PDZRN4: variants seen among roughly 807,000 people sequenced by gnomAD.
PDZRN4 encodes the protein PDZ domain containing ring finger 4, also known as PDZ domain-containing RING finger protein 4.
A neutral mutation model predicts 99.0 loss-of-function variants in PDZRN4; 70 were observed. That is an observed-to-expected ratio of 0.71 (90% CI 0.58 to 0.86). PDZRN4 has a LOEUF of 0.86. PDZRN4 is among the 40% of genes least tolerant of loss of function. The probability of loss-of-function intolerance (pLI) is 0.00; values close to 1 mark genes in which losing one functional copy is unlikely to be tolerated. For missense variants in PDZRN4, 1,474 were observed against 1,331.2 expected (o/e 1.11, Z -1.67); for synonymous variants, 551 against 501.6 (o/e 1.10, Z -1.32).
chr12:41,371,347 T>C (rs952223660), intron 3 of PDZRN4, among the ~76,000 whole-genome samples: 2 of 151,926 alleles, frequency 1.3e-5, no homozygotes, highest in African/African-American at 4.8e-5. Flanking sequence ...AATTTTACAT[T>C]ATTGTTTCAT....
chr12:41,573,091 A>T lies in PDZRN4; in HGVS notation c.2312A>T (p.Asn771Ile). 1 of 1,614,018 alleles carries T rather than the reference A, an allele frequency of 6.2e-7. No individual in the cohort carries two copies. Among genetic ancestry groups the T allele is most frequent in the Non-Finnish European group, 8.5e-7 (1 of 1,179,990 alleles). ...GTGATCAACCTCACCAATAAGAAAA[A>T]CCTGAGAAGCACAATGGCAGCCACC... ...PRVINLTNKK[N>I]LRSTMAATQS... Residue 771 changes from asparagine (N) to isoleucine (I), a missense_variant, in exon 10 of 10, where the codon AAC (asparagine) becomes ATC (isoleucine). Coordinates refer to ENST00000402685, the MANE Select transcript of PDZRN4 (RefSeq NM_001164595.2).
At chr12:41,544,058 G>C (rs1197734947) in intron 5 of PDZRN4, among the ~76,000 whole-genome samples, 2 of 152,218 alleles carry the variant, frequency 1.3e-5, no homozygotes, top group Non-Finnish European at 2.9e-5. Flanking sequence ...TATCCTATCA[G>C]ATTCTTAACA....
intron 3 of PDZRN4, among the ~76,000 whole-genome samples, chr12:41,240,857 C>A (rs1184811410): frequency 6.6e-6 from 1 of 152,110 alleles, no homozygotes; most frequent in Non-Finnish European, 1.5e-5. Flanking sequence ...GACCCACCTC[C>A]TAATACTATC....
intron 3 of PDZRN4, among the ~76,000 whole-genome samples, chr12:41,341,744 G>A (rs1007115547): frequency 6.6e-6 from 1 of 151,750 alleles, no homozygotes; most frequent in Non-Finnish European, 1.5e-5. Flanking sequence ...TGGATTTAAA[G>A]AATTAACACT....
In PDZRN4 at chr12:41,541,745, G is replaced by T. The variant is rs112179656; in HGVS notation, c.1204-10911G>T. On this transcript the variant is annotated intron_variant, in intron 5 of 9. Transcript: ENST00000402685. ...TGGGATTACAGGCGTGAGCCACCACGCCCGGCCCTTCTAGACCTATTTTTA... is the reference window on the plus strand; with the variant it reads ...TGGGATTACAGGCGTGAGCCACCACTCCCGGCCCTTCTAGACCTATTTTTA... 7.9e-3 allele frequency among the ~76,000 whole-genome samples: 1,197 copies of T among 152,224 alleles called. 14 individuals carry two copies. The highest frequency in any genetic ancestry group is 0.027 in the African/African-American group (1,117 of 41,554).
At chr12:41,484,826 C>G (rs1053890149) in intron 3 of PDZRN4, among the ~76,000 whole-genome samples, 36 of 152,094 alleles carry the variant, frequency 2.4e-4, no homozygotes, top group African/African-American at 8.7e-4. Context: ...TTGACGTTTT[C>G]CCTCATTACA....
intron 3 of PDZRN4, among the ~76,000 whole-genome samples, chr12:41,312,657 C>T (rs1951614914): frequency 6.6e-6 from 1 of 152,096 alleles, no homozygotes; most frequent in Non-Finnish European, 1.5e-5. Flanking sequence ...GGGAACTCCC[C>T]TTTATAAAAC....
In PDZRN4 at chr12:41,573,401, C is replaced by T. The variant is rs1248667547; in HGVS notation, c.2622C>T (p.Ser874=). The change falls in exon 10 of 10, where the codon AGC becomes AGT. Residue 874 remains serine (S), a synonymous_variant. Coordinates refer to ENST00000402685, the MANE Select transcript of PDZRN4 (RefSeq NM_001164595.2). ...CTCAGAGTCAGCTCAGCTTGGTGAG[C>T]ATGTGCAAGGAGTCTCAGAAGTGTT... ...EYAQSQLSLV[S]MCKESQKCSE... 1.2e-6 allele frequency: 2 copies of T among 1,613,472 alleles called. No homozygotes were observed. Among genetic ancestry groups the T allele is most frequent in the East Asian group, 4.5e-5 (2 of 44,862 alleles).
intron 3 of PDZRN4, among the ~76,000 whole-genome samples, chr12:41,406,458 T>C (rs1033127264): frequency 1.3e-5 from 2 of 152,222 alleles, no homozygotes; most frequent in Non-Finnish European, 2.9e-5. Context: ...GATGTGAAAT[T>C]ACTGTTTTAC....
At chr12:41,361,794 G>A (rs903565851) in intron 3 of PDZRN4, among the ~76,000 whole-genome samples, 1 of 152,030 alleles carries the variant, frequency 6.6e-6, no homozygotes, top group Non-Finnish European at 1.5e-5. Context: ...TAGTGTGACG[G>A]GGTGAAAGGG....
chr12:41,409,528 C>T lies in PDZRN4; in HGVS notation c.844-96928C>T, dbSNP rs529016965. On this transcript the variant is annotated intron_variant, in intron 3 of 9. Coordinates refer to ENST00000402685, the MANE Select transcript of PDZRN4 (RefSeq NM_001164595.2). ...TTACTGATATGAGGTAATTTCTGAC[C>T]GATTTTTTCTTTTGGGCATAAGTTA... 5.3e-5 allele frequency: 8 copies of T among 152,100 alleles called. No homozygotes were observed. In the South Asian group the frequency reaches 1.0e-3, roughly 20 times the overall value. 9.4% of individuals were successfully genotyped at this position (152,100 alleles called of 1,614,324 possible).
chr12:41,322,197 A>AT (rs1363195785), intron 3 of PDZRN4, among the ~76,000 whole-genome samples: 1 of 151,726 alleles, frequency 6.6e-6, no homozygotes, highest in Non-Finnish European at 1.5e-5. Context: ...ACACCCAGCT[A>AT]TTTTTTTGCT....
chr12:41,427,854 C>G (rs1384920655), intron 3 of PDZRN4, among the ~76,000 whole-genome samples: 1 of 152,126 alleles, frequency 6.6e-6, no homozygotes, highest in Non-Finnish European at 1.5e-5. Context: ...ATTTGGAAGG[C>G]TGGTGGGCAG....
At chr12:41,534,295 T>TA (rs201177241) in intron 5 of PDZRN4, among the ~76,000 whole-genome samples, 14 of 151,982 alleles carry the variant, frequency 9.2e-5, no homozygotes, top group African/African-American at 3.4e-4. Flanking sequence ...CTTTTTTTTT[T>TA]ATTTTAAGTT....
rs572001594 is a variant in PDZRN4, at chr12:41,365,116, C to T, written c.844-141340C>T. ...TTATCTAAGTTTCAGATTTTTTTCT[C>T]GAAAACTTAAATTTGTGTCAGGTTT... On this transcript the variant is annotated intron_variant, in intron 3 of 9. Transcript: ENST00000402685. Among the ~76,000 whole-genome samples, 19 of 151,762 alleles carry T rather than the reference C, an allele frequency of 1.3e-4. 1 individual carries two copies. Among genetic ancestry groups the T allele is most frequent in the African/African-American group, 3.9e-4 (16 of 41,422 alleles).
chr12:41,551,948 G>A (rs1009469605), intron 5 of PDZRN4, among the ~76,000 whole-genome samples: 1 of 152,124 alleles, frequency 6.6e-6, no homozygotes, highest in Non-Finnish European at 1.5e-5. Flanking sequence ...TACATTACCT[G>A]AGGACTGACA....
At position 41,341,049 on chromosome 12, in the gene PDZRN4, G is replaced by A. The variant is rs192250092; in HGVS notation, c.843+146861G>A. Among the ~76,000 whole-genome samples the A allele has an allele frequency of 8.8e-3, 1,336 of 151,702 alleles. 13 individuals are homozygous for A. The highest frequency in any genetic ancestry group is 0.013 in the Non-Finnish European group (913 of 67,820). On this transcript the variant is annotated intron_variant, in intron 3 of 9. Transcript: ENST00000402685. ...GAGATTTATCCAGGGATTCAAGGAT[G>A]GTTTAACATGTAGAAATCAATAAAT...
At chr12:41,448,880 C>G (rs1022483779) in intron 3 of PDZRN4, among the ~76,000 whole-genome samples, 3 of 152,096 alleles carry the variant, frequency 2.0e-5, no homozygotes, top group African/African-American at 7.2e-5. Context: ...TTGGGAAGAA[C>G]TTGCCCCTTA....
chr12:41,435,898 T>C (rs1952624932), intron 3 of PDZRN4, among the ~76,000 whole-genome samples: 1 of 152,214 alleles, frequency 6.6e-6, no homozygotes. Context: ...CAATGTTTGC[T>C]TTGAGGATGT....
Sources: gnomAD v4.1 joint callset for allele counts (sites outside exome capture counted in the v4.1 genomes callset) on GRCh38, gnomAD v4.1.1 for gene constraint, MANE v1.5 for transcripts, NCBI Gene and HGNC (gene_info 2026-07-23, HGNC 2026-07-21) for gene names.